The following PPARG variants were observed in gnomAD, a reference collection of about 807,000 sequenced individuals.
The protein encoded by PPARG is peroxisome proliferator activated receptor gamma, also known as peroxisome proliferator-activated receptor gamma.
PPARG carries 17 observed loss-of-function variants against 39.2 expected under a neutral mutation model. That is an observed-to-expected ratio of 0.43 (90% CI 0.30 to 0.65). The LOEUF (loss-of-function observed/expected upper bound fraction) is 0.65. Ranked by LOEUF, PPARG falls within the 30% of genes least tolerant of loss-of-function variation. PPARG has a pLI of 0.13. For synonymous variants in PPARG, 223 were observed against 215.7 expected (o/e 1.03, Z -0.30); for missense variants, 406 against 585.9 (o/e 0.69, Z 3.17).
chr3:12,398,176 A>T (rs979450982), intron 5 of PPARG, among the ~76,000 whole-genome samples: 3 of 152,184 alleles, frequency 2.0e-5, no homozygotes, highest in Non-Finnish European at 2.9e-5. Flanking sequence ...AAAAAAAAAA[A>T]ATACCGATAG....
chr3:12,345,963 T>C (rs565042696), intron 2 of PPARG, among the ~76,000 whole-genome samples: 1 of 152,306 alleles, frequency 6.6e-6, no homozygotes, highest in Admixed American at 6.5e-5. Context: ...AATGTGTCAG[T>C]TGATAATATA....
intron 2 of PPARG, among the ~76,000 whole-genome samples, chr3:12,370,998 C>T (rs1411034617): frequency 6.6e-6 from 1 of 152,216 alleles, no homozygotes; most frequent in Admixed American, 6.5e-5. Context: ...CTTCCTCTTC[C>T]TGTCCCCTAG....
chr3:12,422,472 C>G (rs1434881887), intron 7 of PPARG, among the ~76,000 whole-genome samples: 1 of 152,198 alleles, frequency 6.6e-6, no homozygotes, highest in Non-Finnish European at 1.5e-5. Context: ...CCATTAGACT[C>G]TACTTTTTGC....
rs1463377155 is a variant in PPARG, at chr3:12,350,371, G to A, written c.-8-29333G>A. 3.3e-5 allele frequency among the ~76,000 whole-genome samples: 5 copies of A among 152,018 alleles called. No homozygotes were observed. The East Asian group carries it at 9.6e-4, about 29-fold the overall frequency. ...CAGGCTCTTGCACCATGATTGACAG[G>A]GACACTTTTACTAGTCCCCTTGAAG... On this transcript the variant is annotated intron_variant, in intron 2 of 7. Transcript: ENST00000651735.
intron 2 of PPARG, among the ~76,000 whole-genome samples, chr3:12,313,933 T>C (rs931081215): frequency 2.0e-5 from 3 of 152,162 alleles, no homozygotes; most frequent in African/African-American, 7.2e-5. Flanking sequence ...AAAATTGTTG[T>C]CACAAAGCCA....
chr3:12,423,461 C>T (rs3773357), intron 7 of PPARG, among the ~76,000 whole-genome samples: 1 of 152,152 alleles, frequency 6.6e-6, no homozygotes, highest in South Asian at 2.1e-4. Context: ...TGAGACTGTT[C>T]CCAGCTCTAA....
chr3:12,397,381 A>T (rs570982832), intron 5 of PPARG, among the ~76,000 whole-genome samples: 2,112 of 17,468 alleles, frequency 0.12, 55 homozygotes, highest in African/African-American at 0.32. Flanking sequence ...ATTCCTTTTT[A>T]TTATTATTAT....
At chr3:12,354,401 C>G (rs980470281) in intron 2 of PPARG, among the ~76,000 whole-genome samples, 2 of 151,968 alleles carry the variant, frequency 1.3e-5, no homozygotes, top group African/African-American at 4.8e-5. Flanking sequence ...GAATTTATTG[C>G]TTTAGCCTTG....
intron 2 of PPARG, among the ~76,000 whole-genome samples, chr3:12,369,609 C>CA (rs1318257500): frequency 6.6e-6 from 1 of 151,868 alleles, no homozygotes; most frequent in Non-Finnish European, 1.5e-5. Flanking sequence ...TTCCCTTTTC[C>CA]AAAACACATA....
chr3:12,307,544 A>T (rs2047106991), intron 1 of PPARG, among the ~76,000 whole-genome samples: 2 of 152,294 alleles, frequency 1.3e-5, no homozygotes, highest in South Asian at 4.1e-4. Context: ...GAAAAGCAGA[A>T]GATTTGGGTT....
At chr3:12,350,084 G>A (rs2197423) in intron 2 of PPARG, among the ~76,000 whole-genome samples, 20,313 of 152,116 alleles carry the variant, frequency 0.13, 1,427 homozygotes, top group African/African-American at 0.17. Context: ...TTGTGCCATC[G>A]TGTCTGGATT....
chr3:12,293,588 A>C (rs1305901870), intron 1 of PPARG, among the ~76,000 whole-genome samples: 3 of 152,198 alleles, frequency 2.0e-5, no homozygotes, highest in African/African-American at 7.2e-5. Flanking sequence ...CACAGTCAGC[A>C]GGTTGCATGA....
chr3:12,407,028 A>G (rs2050697115), intron 6 of PPARG, among the ~76,000 whole-genome samples: 1 of 152,218 alleles, frequency 6.6e-6, no homozygotes, highest in South Asian at 2.1e-4. Context: ...TCCAAGCAGC[A>G]GAGCTCTTCT....
intron 2 of PPARG, among the ~76,000 whole-genome samples, chr3:12,364,532 G>A (rs964744229): frequency 6.6e-6 from 1 of 152,126 alleles, no homozygotes; most frequent in African/African-American, 2.4e-5. Context: ...TGGGTTTTTT[G>A]TGGACTTAAG....
At chr3:12,306,183 G>C (rs1024975600) in intron 1 of PPARG, among the ~76,000 whole-genome samples, 1 of 152,180 alleles carries the variant, frequency 6.6e-6, no homozygotes, top group Non-Finnish European at 1.5e-5. Context: ...TCAGGCATTA[G>C]TTAGATTCTC....
At chr3:12,305,227 T>C (rs2047029482) in intron 1 of PPARG, among the ~76,000 whole-genome samples, 1 of 152,212 alleles carries the variant, frequency 6.6e-6, no homozygotes, top group Non-Finnish European at 1.5e-5. Context: ...TTTGGTTGTC[T>C]CTGAGTGTAA....
At chr3:12,410,173 C>G (rs980600879) in intron 6 of PPARG, among the ~76,000 whole-genome samples, 1 of 152,190 alleles carries the variant, frequency 6.6e-6, no homozygotes, top group African/African-American at 2.4e-5. Context: ...AACTGACTGT[C>G]CCCACAACCT....
chr3:12,335,258 T>A (rs1164780064), intron 2 of PPARG, among the ~76,000 whole-genome samples: 1 of 152,206 alleles, frequency 6.6e-6, no homozygotes, highest in Non-Finnish European at 1.5e-5. Flanking sequence ...AATTCCAGAA[T>A]ATAATCATTT....
chr3:12,378,405 A>G (rs2049496871), intron 2 of PPARG, among the ~76,000 whole-genome samples: 1 of 152,186 alleles, frequency 6.6e-6, no homozygotes, highest in African/African-American at 2.4e-5. Context: ...AAAACACAGT[A>G]TATATCTGTA....
Sources: allele counts gnomAD v4.1 joint callset (sites outside exome capture counted in the v4.1 genomes callset), GRCh38; gene constraint gnomAD v4.1.1; transcripts MANE v1.5; gene names NCBI Gene and HGNC (gene_info 2026-07-23, HGNC 2026-07-21).